Variants in COL26A1 observed in about 807,000 individuals in gnomAD.
COL26A1 encodes collagen type XXVI alpha 1 chain.
In COL26A1, 41 loss-of-function variants were observed where a neutral mutation model predicts 59.3. The ratio of observed to expected loss-of-function variants is 0.69; its 90% CI spans 0.54 to 0.90. The LOEUF (loss-of-function observed/expected upper bound fraction) is 0.90. Among genes scored for constraint, COL26A1 ranks in the 40% least tolerant of loss-of-function variants. COL26A1 has a pLI of 0.00. For missense variants in COL26A1, 612 were observed against 602.3 expected, an observed-to-expected ratio of 1.02 and a Z score of -0.17; for synonymous variants, 266 against 256.0, an observed-to-expected ratio of 1.04 and a Z score of -0.37.
At chr7:101,488,728 C>T (rs1794323479) in intron 3 of COL26A1, among the ~76,000 whole-genome samples, 2 of 152,148 alleles carry the variant, frequency 1.3e-5, no homozygotes, top group Non-Finnish European at 2.9e-5. Flanking sequence ...GTCACACTGT[C>T]GTCCAGCCAT....
chr7:101,495,953 G>C (rs941895913), intron 3 of COL26A1, among the ~76,000 whole-genome samples: 1 of 151,930 alleles, frequency 6.6e-6, no homozygotes. Flanking sequence ...AAATTAGCCA[G>C]GCCTGCGGTA....
chr7:101,499,892 A>AAC (rs1554423390), intron 3 of COL26A1, among the ~76,000 whole-genome samples: 1 of 125,324 alleles, frequency 8.0e-6, no homozygotes, highest in African/African-American at 3.5e-5. Context: ...AAAAAAAAAA[A>AAC]AAAACACCTT....
At chr7:101,424,756 A>G (rs1468799655) in intron 2 of COL26A1, among the ~76,000 whole-genome samples, 1 of 152,070 alleles carries the variant, frequency 6.6e-6, no homozygotes, top group Non-Finnish European at 1.5e-5. Context: ...AGGTTGCAGC[A>G]TTATCCTTTG....
Position 101,489,742 on chromosome 7 carries a change from T to G in COL26A1, c.385+41955T>G, listed in dbSNP as rs1360727674. On this transcript the variant is annotated intron_variant, in intron 3 of 12. Transcript: ENST00000313669. Reference sequence around the variant, plus strand: ...CTTTCTTTCTCTCTCTCTTTCTCTCTTTCTTTCTTGTCTCTCTTTCTTTCT... The same window carrying G: ...CTTTCTTTCTCTCTCTCTTTCTCTCGTTCTTTCTTGTCTCTCTTTCTTTCT... Among the ~76,000 whole-genome samples, 102 of 100,930 alleles carry G rather than the reference T, an allele frequency of 1.0e-3. 30 individuals carry two copies. Among genetic ancestry groups the G allele is most frequent in the Non-Finnish European group, 1.4e-3 (74 of 53,592 alleles). 66.2% of individuals were successfully genotyped at this position (100,930 alleles called of 152,430 possible). A position where few individuals can be genotyped will look rare whatever the true frequency, so the allele number is the denominator to read the frequency against.
intron 5 of COL26A1, among the ~76,000 whole-genome samples, chr7:101,541,302 T>TCTG (rs745908537): frequency 2.6e-5 from 4 of 152,208 alleles, no homozygotes; most frequent in African/African-American, 4.8e-5. Context: ...TTGGAGGACA[T>TCTG]CTGCCCCCCT....
intron 1 of COL26A1, among the ~76,000 whole-genome samples, chr7:101,397,652 T>G (rs1791893057): frequency 6.6e-6 from 1 of 151,034 alleles, no homozygotes; most frequent in Non-Finnish European, 1.5e-5. Context: ...TCTTCCTGCC[T>G]TAGCCTCCCG....
intron 1 of COL26A1, among the ~76,000 whole-genome samples, chr7:101,375,431 C>G (rs189748856): frequency 6.6e-6 from 1 of 152,184 alleles, no homozygotes; most frequent in African/African-American, 2.4e-5. Context: ...CACAGTGGCT[C>G]ACACCTATAA....
chr7:101,555,938 T>TGAGGG, intron 12 of COL26A1, 67 bp downstream of exon 12: 1 of 1,347,656 alleles, frequency 7.4e-7, no homozygotes, highest in Non-Finnish European at 1.0e-6. Flanking sequence ...AATGCTGCCC[T>TGAGGG]CATGGCTGCT....
intron 1 of COL26A1, among the ~76,000 whole-genome samples, chr7:101,413,529 A>AAGGAAATGAC (rs1281976730): frequency 1.3e-5 from 2 of 151,838 alleles, no homozygotes; most frequent in East Asian, 3.9e-4. Context: ...CAAGAAAAGA[A>AAGGAAATGAC]AGGAAATGAA....
intron 2 of COL26A1, among the ~76,000 whole-genome samples, chr7:101,434,472 G>C (rs2093500817): frequency 6.6e-6 from 1 of 151,940 alleles, no homozygotes; most frequent in South Asian, 2.1e-4. Context: ...GTGTTGCCCA[G>C]GCTGGTCTTG....
At chr7:101,363,505 T>G in intron 1 of COL26A1, among the ~76,000 whole-genome samples, 1 of 92,978 alleles carries the variant, frequency 1.1e-5, no homozygotes. Flanking sequence ...CCGAAGGGCC[T>G]TGGGTGCAGG....
At chr7:101,539,408 A>G (rs1795559428) in intron 4 of COL26A1, among the ~76,000 whole-genome samples, 1 of 151,570 alleles carries the variant, frequency 6.6e-6, no homozygotes, top group South Asian at 2.1e-4. Context: ...CAGTGGCACA[A>G]TCATAACTCA....
At position 101,557,688 on chromosome 7, in the gene COL26A1, G is replaced by A; in HGVS notation, c.*158G>A. 4.0e-6 allele frequency: 3 copies of A among 747,302 alleles called. No homozygotes were observed. Among genetic ancestry groups the A allele is most frequent in the South Asian group, 2.1e-5 (1 of 47,870 alleles). 46.3% of individuals were successfully genotyped at this position (747,302 alleles called of 1,614,324 possible). ...TTTGGGGACAGATAATGTCTCCAGG[G>A]GCAGGGTCTGGAGGGGCCAACACCC... On this transcript the variant is annotated 3_prime_UTR_variant, in exon 13 of 13. Transcript: ENST00000313669.
At chr7:101,494,085 T>C (rs935672070) in intron 3 of COL26A1, among the ~76,000 whole-genome samples, 8 of 148,472 alleles carry the variant, frequency 5.4e-5, no homozygotes, top group Non-Finnish European at 9.0e-5. Context: ...GTGAATTCGA[T>C]TGGGAACGAA....
At chr7:101,481,240 G>C (rs1315368293) in intron 3 of COL26A1, among the ~76,000 whole-genome samples, 1 of 151,982 alleles carries the variant, frequency 6.6e-6, no homozygotes, top group Non-Finnish European at 1.5e-5. Flanking sequence ...GAATGCATGG[G>C]TGTAAAACCC....
At chr7:101,489,684 T>C (rs12056193) in intron 3 of COL26A1, among the ~76,000 whole-genome samples, 556 of 18,600 alleles carry the variant, frequency 0.03, 40 homozygotes, top group Non-Finnish European at 0.034. Flanking sequence ...TTCCTTCCTT[T>C]CTTTCTTTCT....
intron 1 of COL26A1, among the ~76,000 whole-genome samples, chr7:101,364,393 G>A (rs1790991695): frequency 6.6e-6 from 1 of 151,262 alleles, no homozygotes; most frequent in Non-Finnish European, 1.5e-5. Context: ...CAGGCTTGTC[G>A]CAAACTCCTG....
At chr7:101,510,077 A>G (rs1277126827) in intron 3 of COL26A1, among the ~76,000 whole-genome samples, 1 of 145,192 alleles carries the variant, frequency 6.9e-6, no homozygotes, top group East Asian at 2.0e-4. Context: ...GCTGGAGTGC[A>G]GTGGTGCAAT....
intron 3 of COL26A1, among the ~76,000 whole-genome samples, chr7:101,467,896 G>A (rs1562995633): frequency 6.6e-6 from 1 of 151,892 alleles, no homozygotes; most frequent in Admixed American, 6.6e-5. Context: ...AGGGAAGAAG[G>A]AGCCGCCATG....
Sources: allele counts gnomAD v4.1 joint callset (sites outside exome capture counted in the v4.1 genomes callset), GRCh38; gene constraint gnomAD v4.1.1; transcripts MANE v1.5; gene names NCBI Gene and HGNC (gene_info 2026-07-23, HGNC 2026-07-21).